Variants in TRAPPC6B observed in about 807,000 individuals in gnomAD.
The protein encoded by TRAPPC6B is trafficking protein particle complex subunit 6B, also known as TRAPP complex subunit 6B.
A neutral mutation model predicts 24.7 loss-of-function variants in TRAPPC6B; 27 were observed. The ratio of observed to expected loss-of-function variants is 1.09; its 90% CI spans 0.81 to 1.51. The LOEUF (loss-of-function observed/expected upper bound fraction) is 1.51, where lower values mean the gene tolerates loss of function less well. Among genes scored for constraint, TRAPPC6B ranks in the 40% most tolerant of loss-of-function variants. The pLI is 0.00. For missense variants in TRAPPC6B, 212 were observed against 190.8 expected (o/e 1.11, Z -0.66); for synonymous variants, 80 against 66.6 (o/e 1.20, Z -0.98).
chr14:39,163,228 G>A (rs1232874666), intron 1 of TRAPPC6B, among the ~76,000 whole-genome samples: 4 of 150,140 alleles, frequency 2.7e-5, no homozygotes, highest in African/African-American at 1.0e-4. Flanking sequence ...AAAATTAGCC[G>A]GGCATGGTGG....
chr14:39,155,942 A>G (rs2052972756), intron 3 of TRAPPC6B, among the ~76,000 whole-genome samples: 1 of 151,730 alleles, frequency 6.6e-6, no homozygotes, highest in Non-Finnish European at 1.5e-5. Flanking sequence ...GCACATACCA[A>G]TATGCCTGGT....
At chr14:39,155,419 T>A (rs2052964513) in intron 3 of TRAPPC6B, among the ~76,000 whole-genome samples, 1 of 152,138 alleles carries the variant, frequency 6.6e-6, no homozygotes, top group Non-Finnish European at 1.5e-5. Flanking sequence ...TTTTGTATTT[T>A]TAGTAGAGAC....
Position 39,165,100 on chromosome 14 carries a change from T to C in TRAPPC6B, c.81+4915A>G, listed in dbSNP as rs964468271. 4.6e-5 allele frequency among the ~76,000 whole-genome samples: 7 copies of C among 151,284 alleles called. No individual in the cohort carries two copies. The East Asian group carries it at 1.4e-3, about 30-fold the overall frequency. Reference sequence around the variant, plus strand: ...TCGCTCAGTTGCCCAGGCTGGAGTGTAGTGGCGTGATCTCGGCTCACTGCA... The same window carrying C: ...TCGCTCAGTTGCCCAGGCTGGAGTGCAGTGGCGTGATCTCGGCTCACTGCA... On this transcript the variant is annotated intron_variant, in intron 1 of 5. Transcript: ENST00000330149.
Position 39,158,377 on chromosome 14 carries a change from T to C in TRAPPC6B, c.175A>G (p.Lys59Glu). 1 of 1,599,194 alleles carries C rather than the reference T, an allele frequency of 6.3e-7. No individual in the cohort carries two copies. The highest frequency in any genetic ancestry group is 8.5e-7 in the Non-Finnish European group (1 of 1,175,654). The change falls in exon 3 of 6, where the codon AAG becomes GAG. Residue 59 changes from lysine to glutamate, a missense_variant. Lys to Glu is a moderately conservative substitution (Grantham distance 56). Coordinates refer to ENST00000330149, the MANE Select transcript of TRAPPC6B (RefSeq NM_001079537.2). ...ERFTKDTARF[K>E]DELDIMKFIC... ...AACTTCATGATATCTAACTCATCCT[T>C]GAACCTTGCAGTATCTTTTGTAAAC... is the stretch of plus-strand genomic sequence containing the variant.
At position 39,158,384 on chromosome 14, in the gene TRAPPC6B, T is replaced by C. The variant is rs2139382654; in HGVS notation, c.168A>G (p.Ala56=). 6.3e-7 allele frequency: 1 copy of C among 1,591,968 alleles called. No homozygotes were observed. Among genetic ancestry groups the C allele is most frequent in the East Asian group, 2.2e-5 (1 of 44,482 alleles). The stretch of plus-strand genomic sequence containing the variant: ...TGATATCTAACTCATCCTTGAACCT[T>C]GCAGTATCTTTTGTAAACCTAAAAA... ...GLIERFTKDT[A]RFKDELDIMK... Residue 56 remains alanine (A), a synonymous_variant, in exon 3 of 6, where the codon GCA becomes GCG. Transcript: ENST00000330149.
rs948797131 is a variant in TRAPPC6B at position 39,165,336 on chromosome 14, G to A, written c.81+4679C>T. ...CTGGGTTACAAGCGTGAGCCACCGC[G>A]CCTGGCATTCACATTCTTTAAATTC... On this transcript the variant is annotated intron_variant, in intron 1 of 5. Coordinates refer to ENST00000330149, the MANE Select transcript of TRAPPC6B (RefSeq NM_001079537.2). Among the ~76,000 whole-genome samples, 6 of 152,208 alleles carry A rather than the reference G, an allele frequency of 3.9e-5. No individual in the cohort carries two copies. In the East Asian group the frequency reaches 9.7e-4, roughly 25 times the overall value.
chr14:39,160,627 GAGGGA>G (rs540667240), intron 1 of TRAPPC6B, among the ~76,000 whole-genome samples: 100 of 147,594 alleles, frequency 6.8e-4, no homozygotes, highest in Non-Finnish European at 1.2e-3. Flanking sequence ...GAGGGGAGGG[GAGGGA>G]AGGGAAGGGA....
chr14:39,168,288 G>A (rs999852195), intron 1 of TRAPPC6B, among the ~76,000 whole-genome samples: 2 of 151,582 alleles, frequency 1.3e-5, no homozygotes, highest in African/African-American at 4.8e-5. Context: ...AACTGAATAC[G>A]CAAGTGGTTT....
intron 2 of TRAPPC6B, chr14:39,158,703 T>C (rs1210629824): frequency 2.8e-5 from 6 of 210,924 alleles, no homozygotes; most frequent in South Asian, 9.8e-5. Flanking sequence ...TATATCTTTG[T>C]AGAGACAGGG....
chr14:39,163,745 T>C (rs1393369829), intron 1 of TRAPPC6B, among the ~76,000 whole-genome samples: 1 of 151,046 alleles, frequency 6.6e-6, no homozygotes, highest in African/African-American at 2.5e-5. Context: ...TAAGGAACCA[T>C]GCACTCTGCT....
At chr14:39,166,150 G>T (rs2047216015) in intron 1 of TRAPPC6B, among the ~76,000 whole-genome samples, 1 of 151,320 alleles carries the variant, frequency 6.6e-6, no homozygotes, top group South Asian at 2.1e-4. Flanking sequence ...ATGTTGCCCA[G>T]GTTGGTCTCC....
chr14:39,164,577 T>C (rs558437776), intron 1 of TRAPPC6B, among the ~76,000 whole-genome samples: 4 of 152,116 alleles, frequency 2.6e-5, no homozygotes, highest in Non-Finnish European at 5.9e-5. Context: ...ATGTAGTGAC[T>C]CATGCCTGTA....
intron 1 of TRAPPC6B, among the ~76,000 whole-genome samples, chr14:39,169,665 C>G (rs2053144429): frequency 6.6e-6 from 1 of 152,090 alleles, no homozygotes; most frequent in South Asian, 2.1e-4. Flanking sequence ...GTGCATGGCT[C>G]AAGTGCTGGA....
At position 39,170,048 on chromosome 14, in the gene TRAPPC6B, A is replaced by G; in HGVS notation, c.48T>C (p.Ser16=). Residue 16 remains serine, a synonymous_variant, in exon 1 of 6, where the codon TCT becomes TCC. Transcript: ENST00000330149. ...CCTGCTCCGCGGACTTGTACACTCC[A>G]GACACCATCTCGTTATGGAGAAGCA... is the stretch of plus-strand genomic sequence containing the variant. ...LFLLLHNEMV[S]GVYKSAEQGE... The G allele has an allele frequency of 6.2e-7, 1 of 1,614,220 alleles. No homozygotes were observed.
At position 39,147,842 on chromosome 14, in the gene TRAPPC6B, T is replaced by G. The variant is rs890732476; in HGVS notation, c.*2508A>C. 1 of 152,226 alleles carries G rather than the reference T, an allele frequency of 6.6e-6. No individual in the cohort carries two copies. The highest frequency in any genetic ancestry group is 1.5e-5 in the Non-Finnish European group (1 of 68,040). The allele number at this position is 152,226 out of a possible 1,614,324, so 9.4% of individuals were successfully genotyped here. On this transcript the variant is annotated 3_prime_UTR_variant, in exon 6 of 6. Coordinates refer to ENST00000330149, the MANE Select transcript of TRAPPC6B (RefSeq NM_001079537.2). ...CATTTTCTTTAGTACTTTATTGTTT[T>G]ACAAGTGAACCTTTAAGTTTCTCCC...
At chr14:39,164,805 C>A (rs2053091652) in intron 1 of TRAPPC6B, among the ~76,000 whole-genome samples, 1 of 152,194 alleles carries the variant, frequency 6.6e-6, no homozygotes, top group African/African-American at 2.4e-5. Context: ...CCACTGCACT[C>A]TAGACCGGGC....
intron 1 of TRAPPC6B, among the ~76,000 whole-genome samples, chr14:39,165,384 A>T (rs1256673125): frequency 6.6e-6 from 1 of 152,114 alleles, no homozygotes; most frequent in Non-Finnish European, 1.5e-5. Context: ...ACATTCTCCC[A>T]GATGGCTTCC....
At position 39,158,730 on chromosome 14, in the gene TRAPPC6B, T is replaced by C. The variant is rs575372497; in HGVS notation, c.150-328A>G. 2.7e-4 allele frequency: 48 copies of C among 177,280 alleles called. No individual in the cohort carries two copies. The South Asian group carries it at 6.6e-3, about 24-fold the overall frequency. 11.0% of individuals were successfully genotyped at this position (177,280 alleles called of 1,614,324 possible). A position where few individuals can be genotyped will look rare whatever the true frequency, so the allele number is the denominator to read the frequency against. On this transcript the variant is annotated intron_variant, in intron 2 of 5. Coordinates refer to ENST00000330149, the MANE Select transcript of TRAPPC6B (RefSeq NM_001079537.2). ...GAGACAGGGTTCCACTTTGTTACCCTGGCTGGTCTCAAACTCCTGAGCTCA... is the reference window on the plus strand; with the variant it reads ...GAGACAGGGTTCCACTTTGTTACCCCGGCTGGTCTCAAACTCCTGAGCTCA...
intron 4 of TRAPPC6B, among the ~76,000 whole-genome samples, chr14:39,153,892 A>G (rs1296675346): frequency 6.6e-6 from 1 of 152,006 alleles, no homozygotes; most frequent in South Asian, 2.1e-4. Flanking sequence ...TTTAGTAGAG[A>G]AAGGGTTTCC....
Sources: allele counts gnomAD v4.1 joint callset (sites outside exome capture counted in the v4.1 genomes callset), GRCh38; gene constraint gnomAD v4.1.1; transcripts MANE v1.5; gene names NCBI Gene and HGNC (gene_info 2026-07-23, HGNC 2026-07-21).